Variants in ANKRD31 observed in about 807,000 individuals in gnomAD.
The protein encoded by ANKRD31 is ankyrin repeat domain-containing protein 31.
In ANKRD31, 147 loss-of-function variants were observed where a neutral mutation model predicts 186.0. The ratio of observed to expected loss-of-function variants is 0.79; its 90% CI spans 0.69 to 0.91. The LOEUF (loss-of-function observed/expected upper bound fraction) is 0.91. Ranked by LOEUF, ANKRD31 falls within the 40% of genes least tolerant of loss-of-function variation. The pLI is 0.00. For missense variants in ANKRD31, 1,986 were observed against 2,148.8 expected (o/e 0.92, Z 1.50); for synonymous variants, 673 against 736.4 (o/e 0.91, Z 1.39).
chr5:75,149,653 C>T (rs1375694401), intron 12 of ANKRD31, among the ~76,000 whole-genome samples: 1 of 151,836 alleles, frequency 6.6e-6, no homozygotes, highest in Non-Finnish European at 1.5e-5. Flanking sequence ...TTCTTAATGT[C>T]TCTGCCTCCA....
chr5:75,088,067 G>C (rs1745637288), intron 23 of ANKRD31, among the ~76,000 whole-genome samples: 1 of 152,206 alleles, frequency 6.6e-6, no homozygotes, highest in African/African-American at 2.4e-5. Flanking sequence ...TAGCTGAGTA[G>C]AAGCTAGGTT....
chr5:75,182,635 C>T (rs1303150985), intron 10 of ANKRD31, among the ~76,000 whole-genome samples: 1 of 151,558 alleles, frequency 6.6e-6, no homozygotes, highest in Non-Finnish European at 1.5e-5. Flanking sequence ...AGGAGAATCT[C>T]TTGAACCTGG....
chr5:75,099,889 A>AT (rs1215538691), intron 22 of ANKRD31, among the ~76,000 whole-genome samples: 6 of 152,034 alleles, frequency 3.9e-5, no homozygotes, highest in Non-Finnish European at 8.8e-5. Flanking sequence ...GAATTCATTG[A>AT]TTTTTTGAAT....
intron 10 of ANKRD31, among the ~76,000 whole-genome samples, chr5:75,183,903 A>G (rs949540194): frequency 3.9e-4 from 60 of 152,158 alleles, no homozygotes; most frequent in African/African-American, 1.4e-3. Context: ...AGGAATAAAA[A>G]AAATCCCTAA....
At chr5:75,071,497 G>A (rs1038937951) in intron 25 of ANKRD31, among the ~76,000 whole-genome samples, 1 of 131,418 alleles carries the variant, frequency 7.6e-6, no homozygotes, top group South Asian at 2.4e-4. Context: ...AAGCTGTTTT[G>A]TTTTTTTTTT....
chr5:75,203,642 G>A (rs868726882), intron 5 of ANKRD31, among the ~76,000 whole-genome samples: 21 of 126,490 alleles, frequency 1.7e-4, no homozygotes, highest in Middle Eastern at 0.013. Context: ...CAGCCTGGGC[G>A]AAAGAGAGAG....
intron 3 of ANKRD31, 76 bp from the exon 4 acceptor site, chr5:75,210,941 A>G: frequency 1.9e-6 from 2 of 1,038,046 alleles, no homozygotes; most frequent in Non-Finnish European, 1.4e-6. Flanking sequence ...ATTAACATTT[A>G]AAGTAATTTT....
chr5:75,212,100 T>C (rs1050639131), intron 3 of ANKRD31, among the ~76,000 whole-genome samples: 2 of 152,222 alleles, frequency 1.3e-5, no homozygotes, highest in Non-Finnish European at 2.9e-5. Context: ...CTAAGAGTTT[T>C]ATAGTTTTGG....
intron 2 of ANKRD31, among the ~76,000 whole-genome samples, chr5:75,228,996 A>C (rs1314154186): frequency 2.0e-5 from 3 of 151,908 alleles, no homozygotes; most frequent in Non-Finnish European, 4.4e-5. Flanking sequence ...AAGTTAGAAA[A>C]CCTTCGTGGG....
intron 1 of ANKRD31, 131 bp from the exon 2 acceptor site, chr5:75,230,766 T>G: frequency 1.7e-6 from 1 of 576,432 alleles, no homozygotes; most frequent in East Asian, 3.1e-5. Context: ...TGTTTCTATT[T>G]CAAAGTGTTA....
At chr5:75,165,085 T>C (rs1195137258) in intron 11 of ANKRD31, among the ~76,000 whole-genome samples, 1 of 152,218 alleles carries the variant, frequency 6.6e-6, no homozygotes, top group Non-Finnish European at 1.5e-5. Flanking sequence ...TTGTGTCCTT[T>C]GTTGTGATTC....
chr5:75,114,920 A>T (rs1301754445), intron 19 of ANKRD31, among the ~76,000 whole-genome samples: 1 of 152,188 alleles, frequency 6.6e-6, no homozygotes, highest in Non-Finnish European at 1.5e-5. Flanking sequence ...GAAAGTTCAT[A>T]TGGAACCAAA....
intron 10 of ANKRD31, among the ~76,000 whole-genome samples, chr5:75,183,652 C>A (rs1754485293): frequency 2.0e-5 from 3 of 151,786 alleles, no homozygotes; most frequent in South Asian, 4.2e-4. Context: ...AGAAAACAAA[C>A]CTAATTATTA....
intron 25 of ANKRD31, among the ~76,000 whole-genome samples, chr5:75,076,703 T>C (rs1022711753): frequency 6.6e-6 from 1 of 152,204 alleles, no homozygotes; most frequent in African/African-American, 2.4e-5. Context: ...CAAGGCTTGG[T>C]CTTTCTGATG....
intron 9 of ANKRD31, among the ~76,000 whole-genome samples, chr5:75,190,576 G>C (rs1439713097): frequency 4.6e-5 from 7 of 151,086 alleles, no homozygotes; most frequent in Admixed American, 4.6e-4. Flanking sequence ...TGAAGTCCTA[G>C]ACCAATAAGA....
intron 11 of ANKRD31, among the ~76,000 whole-genome samples, chr5:75,168,064 C>T (rs1214070035): frequency 6.6e-6 from 1 of 152,054 alleles, no homozygotes; most frequent in African/African-American, 2.4e-5. Flanking sequence ...CCACCCATCA[C>T]CAAGATATAC....
chr5:75,129,392 C>T (rs10053125), intron 17 of ANKRD31, among the ~76,000 whole-genome samples: 39,469 of 152,068 alleles, frequency 0.26, 5,285 homozygotes, highest in South Asian at 0.4. Flanking sequence ...GAAGCCACAT[C>T]GGACATTAGC....
chr5:75,084,692 G>A (rs1040733102), intron 23 of ANKRD31, among the ~76,000 whole-genome samples: 20 of 152,094 alleles, frequency 1.3e-4, no homozygotes, highest in Admixed American at 2.6e-4. Context: ...GTTGACCCTT[G>A]TTGTGTGATA....
chr5:75,121,361 G>C (rs1483169349), intron 17 of ANKRD31, among the ~76,000 whole-genome samples: 1 of 151,936 alleles, frequency 6.6e-6, no homozygotes, highest in African/African-American at 2.4e-5. Context: ...AATAATACTG[G>C]GGCACTTGAA....
Sources: gnomAD v4.1 joint callset for allele counts (sites outside exome capture counted in the v4.1 genomes callset) on GRCh38, gnomAD v4.1.1 for gene constraint, MANE v1.5 for transcripts, NCBI Gene and HGNC (gene_info 2026-07-23, HGNC 2026-07-21) for gene names.